Variants in CYRIB observed in about 807,000 individuals in gnomAD.
CYRIB encodes the protein CYFIP related Rac1 interactor B.
In CYRIB, 8 loss-of-function variants were observed where a neutral mutation model predicts 44.2. The observed-to-expected ratio is 0.18, with a 90% CI of 0.11 to 0.33. The LOEUF is 0.33. Ranked by LOEUF, CYRIB falls within the 10% of genes least tolerant of loss-of-function variation. The probability of loss-of-function intolerance (pLI) is 1.00; values close to 1 mark genes in which losing one functional copy is unlikely to be tolerated. For synonymous variants in CYRIB, 131 were observed against 127.2 expected (o/e 1.03, Z -0.20); for missense variants, 185 against 382.8 (o/e 0.48, Z 4.31).
At chr8:129,897,817 G>A (rs1197174273) in intron 2 of CYRIB, among the ~76,000 whole-genome samples, 1 of 152,032 alleles carries the variant, frequency 6.6e-6, no homozygotes, top group Non-Finnish European at 1.5e-5. Context: ...CCAGGCTGGA[G>A]TGCAGTGGAG....
intron 4 of CYRIB, chr8:129,865,100 T>C (rs557850728): frequency 6.5e-6 from 1 of 154,020 alleles, no homozygotes; most frequent in Admixed American, 6.5e-5. Flanking sequence ...ATAAACAATT[T>C]AGGATAGTTA....
chr8:129,842,845 GAA>G (rs1254815209), intron 11 of CYRIB, among the ~76,000 whole-genome samples: 2 of 152,158 alleles, frequency 1.3e-5, no homozygotes, highest in Non-Finnish European at 2.9e-5. Context: ...GCTCTTTACA[GAA>G]AAGTGTTTCA....
chr8:129,928,684 A>T (rs2089534581), intron 1 of CYRIB, among the ~76,000 whole-genome samples: 1 of 152,004 alleles, frequency 6.6e-6, no homozygotes, highest in South Asian at 2.1e-4. Context: ...AAAAAAGAAA[A>T]GAAAAGAAGA....
chr8:129,881,021 T>C (rs897376366), intron 2 of CYRIB, among the ~76,000 whole-genome samples: 2 of 152,220 alleles, frequency 1.3e-5, no homozygotes, highest in Non-Finnish European at 2.9e-5. Flanking sequence ...AAACTTATTA[T>C]TTAACTCTTA....
At chr8:129,995,827 A>G (rs2096752436) in intron 1 of CYRIB, among the ~76,000 whole-genome samples, 1 of 152,232 alleles carries the variant, frequency 6.6e-6, no homozygotes, top group South Asian at 2.1e-4. Flanking sequence ...CTGGATATGC[A>G]AACCTAGGTC....
At position 129,850,920 on chromosome 8, in the gene CYRIB, G is replaced by C; in HGVS notation, c.634-6C>G. 6.5e-7 allele frequency: 1 copy of C among 1,543,108 alleles called. No individual in the cohort carries two copies. The highest frequency in any genetic ancestry group is 1.4e-5 in the African/African-American group (1 of 73,366). On this transcript the variant is annotated splice_polypyrimidine_tract_variant and splice_region_variant and intron_variant, in intron 8 of 11. Coordinates refer to ENST00000519824, the Ensembl canonical transcript of CYRIB. ...TCTATTGGTAAATTTTTATTCTGTAGAAGTATATGAAGAACAAAAAAAGTA... is the reference window on the plus strand; with the variant it reads ...TCTATTGGTAAATTTTTATTCTGTACAAGTATATGAAGAACAAAAAAAGTA...
chr8:129,981,186 C>T (rs569137215), intron 1 of CYRIB, among the ~76,000 whole-genome samples: 1 of 152,184 alleles, frequency 6.6e-6, no homozygotes, highest in Non-Finnish European at 1.5e-5. Flanking sequence ...GTCGCTCAGG[C>T]TGGAGTGCAG....
At chr8:129,975,170 C>A (rs188064315) in intron 1 of CYRIB, among the ~76,000 whole-genome samples, 1 of 151,078 alleles carries the variant, frequency 6.6e-6, no homozygotes, top group East Asian at 2.0e-4. Context: ...TGAGCCACTG[C>A]GCCTGACCTA....
At chr8:129,975,799 AT>A (rs1480080036) in intron 1 of CYRIB, among the ~76,000 whole-genome samples, 3 of 152,198 alleles carry the variant, frequency 2.0e-5, no homozygotes, top group Non-Finnish European at 4.4e-5. Context: ...TGCAAGTGAA[AT>A]GACATCTCTG....
chr8:130,005,610 C>A (rs2097037637), intron 1 of CYRIB, among the ~76,000 whole-genome samples: 1 of 151,986 alleles, frequency 6.6e-6, no homozygotes, highest in Admixed American at 6.6e-5. Flanking sequence ...GAGATACTGA[C>A]CTCCTCAGCA....
intron 2 of CYRIB, among the ~76,000 whole-genome samples, chr8:129,897,553 C>G (rs2068700657): frequency 6.7e-6 from 1 of 150,134 alleles, no homozygotes; most frequent in African/African-American, 2.5e-5. Context: ...TATGTATGTT[C>G]ACATTTGCAA....
chr8:129,945,802 A>G (rs2094103882), intron 2 of CYRIB, among the ~76,000 whole-genome samples: 1 of 152,128 alleles, frequency 6.6e-6, no homozygotes, highest in Admixed American at 6.6e-5. Flanking sequence ...TAAACTCCTG[A>G]CCTCAGGTGG....
intron 1 of CYRIB, among the ~76,000 whole-genome samples, chr8:129,974,287 T>C (rs1480149328): frequency 1.3e-5 from 2 of 152,190 alleles, no homozygotes; most frequent in South Asian, 2.1e-4. Context: ...AAATGTGATA[T>C]AAAGTTTTTT....
At chr8:129,989,219 C>G (rs2096560909) in intron 1 of CYRIB, among the ~76,000 whole-genome samples, 1 of 152,098 alleles carries the variant, frequency 6.6e-6, no homozygotes. Flanking sequence ...AATGGGGTCT[C>G]TGTGTTTACC....
At chr8:129,999,780 C>T (rs767795921) in intron 1 of CYRIB, among the ~76,000 whole-genome samples, 1 of 152,188 alleles carries the variant, frequency 6.6e-6, no homozygotes, top group Non-Finnish European at 1.5e-5. Context: ...ATGAGTGCTA[C>T]CACGCCCAGA....
chr8:129,903,547 A>C (rs1197523087), intron 1 of CYRIB, among the ~76,000 whole-genome samples, 197 bp from the exon 4 acceptor site: 4 of 152,070 alleles, frequency 2.6e-5, no homozygotes, highest in Non-Finnish European at 4.4e-5. Flanking sequence ...GTAAGGCATC[A>C]TATTAAGCCC....
intron 1 of CYRIB, among the ~76,000 whole-genome samples, chr8:129,917,177 C>T (rs953874937): frequency 3.5e-4 from 54 of 152,266 alleles, no homozygotes; most frequent in African/African-American, 1.2e-3. Flanking sequence ...AAGATTTAAG[C>T]GCTGATCTTA....
intron 2 of CYRIB, among the ~76,000 whole-genome samples, chr8:129,956,752 T>C (rs2094861058): frequency 6.6e-6 from 1 of 152,108 alleles, no homozygotes; most frequent in South Asian, 2.1e-4. Context: ...TTAAGCCTAT[T>C]CTTTTTTCTT....
chr8:129,855,815 G>T (rs2306528), intron 5 of CYRIB, 68 bp from the exon 8 acceptor site: 351,623 of 1,394,240 alleles, frequency 0.25, 48,940 homozygotes, highest in East Asian at 0.53. Context: ...ATTAAAAAGT[G>T]AACAATTCAT....
Sources: allele counts gnomAD v4.1 joint callset (sites outside exome capture counted in the v4.1 genomes callset), GRCh38; gene constraint gnomAD v4.1.1; transcripts MANE v1.5; gene names NCBI Gene and HGNC (gene_info 2026-07-23, HGNC 2026-07-21).